Variants in LOXL2 observed in about 807,000 individuals in gnomAD.
The protein encoded by LOXL2 is lysyl oxidase like 2, also known as lysyl oxidase homolog 2.
A neutral mutation model predicts 93.0 loss-of-function variants in LOXL2; 70 were observed. The observed-to-expected ratio is 0.75, with a 90% CI of 0.62 to 0.92. The LOEUF is 0.92. Ranked by LOEUF, LOXL2 falls within the 40% of genes least tolerant of loss-of-function variation. The pLI is 0.00. For synonymous variants in LOXL2, 438 were observed against 413.2 expected (o/e 1.06, Z -0.73); for missense variants, 973 against 1,054.9 (o/e 0.92, Z 1.08).
chr8:23,301,833 G>A (rs1287424149), intron 12 of LOXL2, among the ~76,000 whole-genome samples, 194 bp downstream of exon 12: 1 of 152,194 alleles, frequency 6.6e-6, no homozygotes, highest in East Asian at 1.9e-4. Context: ...TCCTGTGCAC[G>A]CCCTATTTCT....
chr8:23,328,489 C>A lies in LOXL2; in HGVS notation c.1043G>T (p.Gly348Val). Reference sequence around the variant, plus strand: ...GTCCCACTTGTCGTCGCAGACGGTCCCCCATTCTCCATTTTTGAGCACCTC... The same window carrying A: ...GTCCCACTTGTCGTCGCAGACGGTCACCCATTCTCCATTTTTGAGCACCTC... Reference protein sequence around the residue: ...RVEVLKNGEWGTVCDDKWDLV... With the variant: ...RVEVLKNGEWVTVCDDKWDLV... Residue 348 changes from glycine to valine, a missense_variant, in exon 6 of 14, where the codon GGG becomes GTG. Gly to Val is a moderately radical substitution (Grantham distance 109). Coordinates refer to ENST00000389131, the MANE Select transcript of LOXL2 (RefSeq NM_002318.3). The A allele has an allele frequency of 1.2e-6, 2 of 1,614,118 alleles. No homozygotes were observed. The highest frequency in any genetic ancestry group is 1.7e-6 in the Non-Finnish European group (2 of 1,180,022).
rs6997514 is a variant in LOXL2 at position 23,340,388 on chromosome 8, G to A, written c.743+604C>T. Among the ~76,000 whole-genome samples, 1,390 of 152,166 alleles carry A rather than the reference G, an allele frequency of 9.1e-3. 21 individuals carry two copies. Among genetic ancestry groups the A allele is most frequent in the African/African-American group, 0.032 (1,324 of 41,518 alleles). On this transcript the variant is annotated intron_variant, in intron 4 of 13. Transcript: ENST00000389131. ...TTGGGGTGCTGGAATCCTTCCACTG[G>A]ACACCCCTTAAGTCAAAATGACTCC...
At chr8:23,336,485 G>A (rs1803794607) in intron 4 of LOXL2, 1 of 152,452 alleles carries the variant, frequency 6.6e-6, no homozygotes, top group South Asian at 2.1e-4. Flanking sequence ...ACTGGAGTGA[G>A]TGAGGCAGCC....
chr8:23,348,024 A>T (rs752478709), intron 3 of LOXL2, among the ~76,000 whole-genome samples: 12 of 151,988 alleles, frequency 7.9e-5, no homozygotes, highest in Admixed American at 4.6e-4. Context: ...AAGTATAATT[A>T]AAAAAAAGAA....
At chr8:23,403,070 A>AT (rs779469475) in intron 1 of LOXL2, among the ~76,000 whole-genome samples, 1 of 152,010 alleles carries the variant, frequency 6.6e-6, no homozygotes, top group Non-Finnish European at 1.5e-5. Context: ...TCCAGCGCTG[A>AT]TTCCTGGGAC....
chr8:23,310,920 G>A (rs1356705235), intron 9 of LOXL2, among the ~76,000 whole-genome samples: 2 of 152,234 alleles, frequency 1.3e-5, no homozygotes, highest in African/African-American at 4.8e-5. Flanking sequence ...AGGATTAACT[G>A]TAGGCTTTAC....
intron 3 of LOXL2, among the ~76,000 whole-genome samples, chr8:23,359,642 T>C (rs1049329855): frequency 6.6e-6 from 1 of 152,188 alleles, no homozygotes; most frequent in Non-Finnish European, 1.5e-5. Context: ...TCTCACAAAC[T>C]GTGCAAGATA....
At position 23,360,210 on chromosome 8, in the gene LOXL2, T is replaced by G. The variant is rs3736020; in HGVS notation, c.411A>C (p.Ala137=). 1,415 of 1,614,046 alleles carry G rather than the reference T, an allele frequency of 8.8e-4. 24 individuals carry two copies. The East Asian group carries it at 0.015, about 17-fold the overall frequency. The part of the protein sequence containing the change: ...HCTGNEATLA[A]CTSNGWGVTD... Reference sequence around the variant, plus strand: ...TGACGCCCCAGCCATTGGAGGTGCATGCTGCAAGGGTCGCCTCGTTGCCAG... The same window carrying G: ...TGACGCCCCAGCCATTGGAGGTGCAGGCTGCAAGGGTCGCCTCGTTGCCAG... The change falls in exon 3 of 14, where the codon GCA becomes GCC. Residue 137 remains alanine (A), a synonymous_variant. Transcript: ENST00000389131.
At chr8:23,300,162 G>A (rs1366887165) in intron 12 of LOXL2, among the ~76,000 whole-genome samples, 5 of 152,358 alleles carry the variant, frequency 3.3e-5, no homozygotes, top group South Asian at 4.1e-4. Context: ...CAGTGCAGCC[G>A]TGAGGGCGGC....
intron 1 of LOXL2, among the ~76,000 whole-genome samples, chr8:23,388,623 TCACACACA>T (rs10522826): frequency 0.087 from 12,466 of 142,782 alleles, 614 homozygotes; most frequent in East Asian, 0.12. Context: ...AAAAATATAC[TCACACACA>T]CACACACACA....
At chr8:23,346,156 T>TA (rs373499170) in intron 3 of LOXL2, among the ~76,000 whole-genome samples, 278 of 50,220 alleles carry the variant, frequency 5.5e-3, no homozygotes, top group African/African-American at 0.015. Context: ...TAAAATAAAA[T>TA]AAAAAATAAA....
At chr8:23,319,425 C>T (rs1320430110) in intron 8 of LOXL2, among the ~76,000 whole-genome samples, 1 of 151,752 alleles carries the variant, frequency 6.6e-6, no homozygotes, top group East Asian at 1.9e-4. Context: ...GCATTAGGCA[C>T]AGATGCCAGC....
chr8:23,338,489 C>G (rs60198027), intron 4 of LOXL2, among the ~76,000 whole-genome samples: 2,932 of 152,290 alleles, frequency 0.019, 104 homozygotes, highest in East Asian at 0.14. Context: ...AGGTCCTTCA[C>G]GGGCCTTGGT....
intron 1 of LOXL2, among the ~76,000 whole-genome samples, chr8:23,378,750 C>T (rs2117223584): frequency 6.6e-6 from 1 of 152,342 alleles, no homozygotes; most frequent in Admixed American, 6.5e-5. Context: ...GAAGCTTGTG[C>T]ATTCGTCACG....
At chr8:23,395,026 T>G (rs1800071004) in intron 1 of LOXL2, among the ~76,000 whole-genome samples, 1 of 152,046 alleles carries the variant, frequency 6.6e-6, no homozygotes, top group Admixed American at 6.6e-5. Context: ...GAGGCCAAGG[T>G]GGGCGGATCA....
chr8:23,398,617 C>G (rs1330457355), intron 1 of LOXL2, among the ~76,000 whole-genome samples: 2 of 152,150 alleles, frequency 1.3e-5, no homozygotes, highest in Non-Finnish European at 2.9e-5. Flanking sequence ...TTTGTTAAAA[C>G]TCTGGACAGA....
At chr8:23,340,087 C>T (rs542856254) in intron 4 of LOXL2, among the ~76,000 whole-genome samples, 38 of 152,204 alleles carry the variant, frequency 2.5e-4, no homozygotes, top group Non-Finnish European at 5.0e-4. Flanking sequence ...GAGTGTGGAC[C>T]CTATAGCTGG....
At chr8:23,306,188 G>A (rs912902606) in intron 10 of LOXL2, among the ~76,000 whole-genome samples, 1 of 152,158 alleles carries the variant, frequency 6.6e-6, no homozygotes, top group African/African-American at 2.4e-5. Context: ...GATAAAGCTG[G>A]TTCAGAGAAA....
chr8:23,320,027 G>C lies in LOXL2; in HGVS notation c.1328C>G (p.Pro443Arg), dbSNP rs755254905. Residue 443 changes from proline to arginine, a missense_variant, in exon 8 of 14, where the codon CCC becomes CGC. Physicochemically the swap from Pro to Arg is moderately radical, Grantham distance 103. Coordinates refer to ENST00000389131, the MANE Select transcript of LOXL2 (RefSeq NM_002318.3). ...CAGCACCTCCACTCGGCCCTCGTAG[G>C]GATTGCGGCCGCCGTTCAGGCGCAG... ...KKLRLNGGRN[P>R]YEGRVEVLVE... 6.9e-5 allele frequency: 112 copies of C among 1,613,930 alleles called. No individual in the cohort carries two copies. The South Asian group carries it at 1.2e-3, about 17-fold the overall frequency.
Sources: allele counts gnomAD v4.1 joint callset (sites outside exome capture counted in the v4.1 genomes callset), GRCh38; gene constraint gnomAD v4.1.1; transcripts MANE v1.5; gene names NCBI Gene and HGNC (gene_info 2026-07-23, HGNC 2026-07-21).